MDGA2: variants seen among roughly 807,000 people sequenced by gnomAD.
MDGA2 encodes the protein MAM domain containing glycosylphosphatidylinositol anchor 2, also known as MAM domain-containing glycosylphosphatidylinositol anchor protein 2.
MDGA2 carries 40 observed loss-of-function variants against 117.8 expected under a neutral mutation model. That is an observed-to-expected ratio of 0.34 (90% CI 0.26 to 0.44). The LOEUF is 0.44. Among genes scored for constraint, MDGA2 ranks in the 20% least tolerant of loss-of-function variants. The pLI is 1.00. For synonymous variants in MDGA2, 452 were observed against 439.0 expected, an observed-to-expected ratio of 1.03 and a Z score of -0.37; for missense variants, 1,123 against 1,250.6, an observed-to-expected ratio of 0.90 and a Z score of 1.54.
chr14:47,152,780 G>GTT (rs1318514715), intron 3 of MDGA2, among the ~76,000 whole-genome samples: 6 of 152,018 alleles, frequency 3.9e-5, no homozygotes, highest in Non-Finnish European at 5.9e-5. Context: ...TTTCTGGAAA[G>GTT]AACAGTAAAG....
intron 1 of MDGA2, among the ~76,000 whole-genome samples, chr14:47,615,458 A>G (rs996201148): frequency 7.9e-5 from 12 of 151,836 alleles, no homozygotes; most frequent in East Asian, 5.8e-4. Flanking sequence ...CACATACACA[A>G]CAATGTTTCA....
chr14:47,607,480 C>G (rs1247582304), intron 1 of MDGA2, among the ~76,000 whole-genome samples: 1 of 152,032 alleles, frequency 6.6e-6, no homozygotes, highest in African/African-American at 2.4e-5. Flanking sequence ...AATTTAAATA[C>G]AATCTTCTGT....
chr14:47,494,274 A>G (rs534477135), intron 1 of MDGA2, among the ~76,000 whole-genome samples: 1 of 152,212 alleles, frequency 6.6e-6, no homozygotes, highest in East Asian at 1.9e-4. Context: ...AACACATGAA[A>G]TTGAGTTTTA....
At chr14:47,335,736 A>C (rs868563180) in intron 1 of MDGA2, among the ~76,000 whole-genome samples, 3 of 54,446 alleles carry the variant, frequency 5.5e-5, no homozygotes, top group African/African-American at 1.8e-4. Flanking sequence ...CATATATTTT[A>C]TATATATATA....
intron 1 of MDGA2, among the ~76,000 whole-genome samples, chr14:47,579,770 A>G (rs1896193975): frequency 6.6e-6 from 1 of 152,104 alleles, no homozygotes; most frequent in Non-Finnish European, 1.5e-5. Context: ...CTCTCAAAAG[A>G]CACTAAAATC....
intron 2 of MDGA2, among the ~76,000 whole-genome samples, chr14:47,220,174 A>G (rs546121234): frequency 6.6e-6 from 1 of 152,324 alleles, no homozygotes; most frequent in Admixed American, 6.5e-5. Context: ...TGAGTGGTAG[A>G]AAGACATAAA....
chr14:46,975,327 C>A (rs926359055), intron 8 of MDGA2, among the ~76,000 whole-genome samples: 5 of 151,938 alleles, frequency 3.3e-5, no homozygotes, highest in Non-Finnish European at 7.4e-5. Flanking sequence ...CTACATGATC[C>A]AGGGATTCTA....
chr14:46,869,379 T>C (rs1421466478), intron 14 of MDGA2, among the ~76,000 whole-genome samples: 2 of 147,306 alleles, frequency 1.4e-5, no homozygotes, highest in East Asian at 2.0e-4. Context: ...TGCAAGAACA[T>C]TAGAAATTCA....
chr14:47,460,368 A>C (rs1276654102), intron 1 of MDGA2, among the ~76,000 whole-genome samples: 2 of 152,190 alleles, frequency 1.3e-5, no homozygotes, highest in Non-Finnish European at 2.9e-5. Flanking sequence ...AAGTAGAAAC[A>C]AAAGAAAGGT....
chr14:47,461,327 A>C (rs1893482780), intron 1 of MDGA2, among the ~76,000 whole-genome samples: 1 of 146,690 alleles, frequency 6.8e-6, no homozygotes, highest in South Asian at 2.2e-4. Flanking sequence ...GCACAAAGCC[A>C]AAACAGTAGG....
At chr14:47,268,643 C>A (rs543120233) in intron 2 of MDGA2, among the ~76,000 whole-genome samples, 6 of 152,224 alleles carry the variant, frequency 3.9e-5, no homozygotes, top group East Asian at 1.9e-4. Flanking sequence ...TGTCTAGATG[C>A]AATTCTGATC....
intron 1 of MDGA2, among the ~76,000 whole-genome samples, chr14:47,464,066 G>T (rs1237054932): frequency 3.3e-5 from 5 of 149,660 alleles, no homozygotes; most frequent in Non-Finnish European, 7.4e-5. Flanking sequence ...AAACTGGGTA[G>T]TTTAGCTTTA....
At chr14:47,194,255 C>A (rs1363786874) in intron 3 of MDGA2, among the ~76,000 whole-genome samples, 1 of 152,090 alleles carries the variant, frequency 6.6e-6, no homozygotes, top group Non-Finnish European at 1.5e-5. Context: ...TTAAGTTCAT[C>A]CAGAAGAATG....
chr14:47,495,467 G>C (rs1190973928), intron 1 of MDGA2, among the ~76,000 whole-genome samples: 3 of 151,894 alleles, frequency 2.0e-5, no homozygotes, highest in Non-Finnish European at 1.5e-5. Context: ...TAGAAATCAT[G>C]CTGCTTTTAC....
At chr14:47,324,342 T>C (rs1385336322) in intron 1 of MDGA2, among the ~76,000 whole-genome samples, 1 of 152,192 alleles carries the variant, frequency 6.6e-6, no homozygotes, top group Non-Finnish European at 1.5e-5. Flanking sequence ...GTCAGATACA[T>C]TGGTGTTACC....
chr14:46,992,982 G>A (rs1230713313), intron 8 of MDGA2, among the ~76,000 whole-genome samples: 1 of 151,920 alleles, frequency 6.6e-6, no homozygotes, highest in Non-Finnish European at 1.5e-5. Flanking sequence ...TACTGAAATT[G>A]TATACTTCAT....
chr14:47,183,403 C>T (rs1884787202), intron 3 of MDGA2, among the ~76,000 whole-genome samples: 1 of 152,074 alleles, frequency 6.6e-6, no homozygotes, highest in Non-Finnish European at 1.5e-5. Context: ...CGAGAAAGAG[C>T]TTTCTATATT....
At chr14:47,043,741 T>C (rs949445030) in intron 7 of MDGA2, among the ~76,000 whole-genome samples, 3 of 152,108 alleles carry the variant, frequency 2.0e-5, no homozygotes, top group Non-Finnish European at 4.4e-5. Flanking sequence ...CTCTATTCAA[T>C]TGAGGCTGGT....
At chr14:47,078,335 G>C (rs1175398378) in intron 6 of MDGA2, among the ~76,000 whole-genome samples, 1 of 152,056 alleles carries the variant, frequency 6.6e-6, no homozygotes, top group African/African-American at 2.4e-5. Flanking sequence ...GGCTTTGAAA[G>C]ATATTTGTAG....
Sources: gnomAD v4.1 joint callset for allele counts (sites outside exome capture counted in the v4.1 genomes callset) on GRCh38, gnomAD v4.1.1 for gene constraint, MANE v1.5 for transcripts, NCBI Gene and HGNC (gene_info 2026-07-23, HGNC 2026-07-21) for gene names.